The following ENPP3 variants were observed in gnomAD, a reference collection of about 807,000 sequenced individuals.
ENPP3 encodes the protein ectonucleotide pyrophosphatase/phosphodiesterase 3, also known as ectonucleotide pyrophosphatase/phosphodiesterase family member 3.
Under a neutral mutation model 117.8 loss-of-function variants are expected in ENPP3, and 104 were observed. The observed-to-expected ratio is 0.88, with a 90% CI of 0.75 to 1.04. The LOEUF is 1.04. Among genes scored for constraint, ENPP3 ranks in the 50% least tolerant of loss-of-function variants. The pLI is 0.00. For synonymous variants in ENPP3, 380 were observed against 349.9 expected (o/e 1.09, Z -0.96); for missense variants, 1,026 against 1,051.9 (o/e 0.98, Z 0.34).
chr6:131,673,085 A>G (rs1313707076), intron 7 of ENPP3, among the ~76,000 whole-genome samples: 2 of 152,230 alleles, frequency 1.3e-5, no homozygotes, highest in African/African-American at 2.4e-5. Flanking sequence ...ACTTTAACAA[A>G]CAGTTAATTA....
At chr6:131,745,898 C>T (rs1780626563) in intron 24 of ENPP3, among the ~76,000 whole-genome samples, 1 of 152,084 alleles carries the variant, frequency 6.6e-6, no homozygotes, top group South Asian at 2.1e-4. Flanking sequence ...GTGGGTGGAT[C>T]ACCCGAGATC....
intron 6 of ENPP3, 70 bp downstream of exon 6, chr6:131,658,490 A>G (rs977992184): frequency 8.4e-6 from 7 of 830,864 alleles, no homozygotes; most frequent in Non-Finnish European, 1.4e-5. Flanking sequence ...AGAGGATGCA[A>G]CTTTCTTTCT....
chr6:131,671,407 C>A, intron 7 of ENPP3, 80 bp downstream of exon 7: 1 of 849,894 alleles, frequency 1.2e-6, no homozygotes, highest in Non-Finnish European at 2.0e-6. Context: ...CAGGAACTGA[C>A]CGAGTTCTGT....
rs12661309 is a variant in ENPP3 at position 131,736,191 on chromosome 6, A to T, written c.2090-1164A>T. 2.0e-4 allele frequency among the ~76,000 whole-genome samples: 31 copies of T among 152,328 alleles called. No individual in the cohort carries two copies. The East Asian group carries it at 5.8e-3, about 28-fold the overall frequency. ...TCCAGAGCACCCTCGCTGAACACTC[A>T]CTGTGCTAGACAGCACAGCCATAAA... On this transcript the variant is annotated intron_variant, in intron 21 of 24. Transcript: ENST00000357639.
rs1027088955 is a variant in ENPP3, at chr6:131,711,453, A to G, written c.1413-7219A>G. On this transcript the variant is annotated intron_variant, in intron 15 of 24. Coordinates refer to ENST00000357639, the MANE Select transcript of ENPP3 (RefSeq NM_005021.5). ...AGACACTCTTGCTTTCCTTTCATTA[A>G]TGTTTGTGTAATATATCTTTTTTCA... 1.1e-4 allele frequency among the ~76,000 whole-genome samples: 16 copies of G among 147,228 alleles called. No individual in the cohort carries two copies. The East Asian group carries it at 3.2e-3, about 30-fold the overall frequency.
intron 24 of ENPP3, among the ~76,000 whole-genome samples, chr6:131,744,071 T>C (rs556741551): frequency 6.6e-6 from 1 of 152,284 alleles, no homozygotes; most frequent in South Asian, 2.1e-4. Context: ...AATTACACAA[T>C]GTACAGAAGT....
chr6:131,652,869 C>T lies in ENPP3; in HGVS notation c.442C>T (p.Gln148Ter). ...SWLEENCDTA[Q>*]QSQCPEGFDL... ...GCTGGAAGAAAACTGTGACACAGCC[C>T]AGCAGTCTCAGTGCCCAGAAGGGTG... Residue 148 changes from glutamine (Q) to a stop codon, truncating the protein, a stop_gained, in exon 5 of 25, where the codon CAG (glutamine) becomes TAG (stop). Coordinates refer to ENST00000357639, the MANE Select transcript of ENPP3 (RefSeq NM_005021.5). LOFTEE classifies it high-confidence loss of function. 2 of 1,612,852 alleles carry T rather than the reference C, an allele frequency of 1.2e-6. No homozygotes were observed. The highest frequency in any genetic ancestry group is 1.7e-6 in the Non-Finnish European group (2 of 1,178,916).
Position 131,737,335 on chromosome 6 carries a change from A to G in ENPP3, c.2090-20A>G. 1 of 1,541,384 alleles carries G rather than the reference A, an allele frequency of 6.5e-7. No homozygotes were observed. The highest frequency in any genetic ancestry group is 8.9e-7 in the Non-Finnish European group (1 of 1,117,626). ...ATTTTCTCTTATAGCTAGATCTAAT[A>G]AGATCCATTTGTTTTGCAGCCAGCA... On this transcript the variant is annotated intron_variant, in intron 21 of 24. Transcript: ENST00000357639.
At chr6:131,746,582 G>A (rs1373030773) in intron 24 of ENPP3, among the ~76,000 whole-genome samples, 1 of 152,072 alleles carries the variant, frequency 6.6e-6, no homozygotes, top group Non-Finnish European at 1.5e-5. Flanking sequence ...GATAAATTTT[G>A]ACAACGGTGT....
rs532393406 is a variant in ENPP3, at chr6:131,683,633, C to T, written c.1120+471C>T. 7.8e-4 allele frequency among the ~76,000 whole-genome samples: 118 copies of T among 152,000 alleles called. 1 individual carries two copies. The highest frequency in any genetic ancestry group is 1.5e-3 in the Non-Finnish European group (101 of 68,000). On this transcript the variant is annotated intron_variant, in intron 12 of 24. Transcript: ENST00000357639. ...CTCACATTTCTCTACTTGAGGTTAA[C>T]TCTTGATTTTGGTTAACCTGAATGT...
chr6:131,682,941 C>T, intron 11 of ENPP3, 113 bp from the exon 12 acceptor site: 2 of 714,448 alleles, frequency 2.8e-6, no homozygotes, highest in South Asian at 3.1e-5. Flanking sequence ...GGTTCTGTTT[C>T]AAAACCAGCA....
intron 1 of ENPP3, among the ~76,000 whole-genome samples, chr6:131,639,261 A>ATTT (rs1237341722): frequency 1.5e-4 from 10 of 65,132 alleles, no homozygotes; most frequent in African/African-American, 4.8e-4. Flanking sequence ...ATATATATAT[A>ATTT]TATATTTTTT....
At chr6:131,738,303 A>G (rs1780445543) in intron 23 of ENPP3, 140 bp downstream of exon 23, 3 of 686,876 alleles carry the variant, frequency 4.4e-6, no homozygotes, top group Non-Finnish European at 6.9e-6. Flanking sequence ...AATCTAGTCT[A>G]TCTAAATATT....
intron 24 of ENPP3, among the ~76,000 whole-genome samples, 181 bp from the exon 25 acceptor site, chr6:131,746,605 A>G (rs34612245): frequency 0.24 from 35,993 of 152,066 alleles, 4,608 homozygotes; most frequent in African/African-American, 0.3. Context: ...TATGTTAGTT[A>G]TAGTATACTT....
chr6:131,671,366 A>T, intron 7 of ENPP3, 39 bp downstream of exon 7: 1 of 1,170,072 alleles, frequency 8.5e-7, no homozygotes, highest in Non-Finnish European at 1.3e-6. Flanking sequence ...GCCAAAGACC[A>T]GAACTGACCA....
chr6:131,713,196 C>G (rs1233792350), intron 15 of ENPP3, among the ~76,000 whole-genome samples: 2 of 134,398 alleles, frequency 1.5e-5, no homozygotes, highest in Non-Finnish European at 3.0e-5. Flanking sequence ...CCTTTGCCTT[C>G]TATCATGATT....
chr6:131,648,892 A>C (rs986711817), intron 2 of ENPP3, among the ~76,000 whole-genome samples: 7 of 152,210 alleles, frequency 4.6e-5, no homozygotes, highest in Admixed American at 3.9e-4. Context: ...TGATGACTCC[A>C]AGTCAGTATC....
chr6:131,726,369 C>T (rs969036183), intron 20 of ENPP3, among the ~76,000 whole-genome samples, 169 bp downstream of exon 20: 4 of 152,132 alleles, frequency 2.6e-5, no homozygotes, highest in African/African-American at 7.2e-5. Context: ...ATAGGTGCTA[C>T]ACGGGTGCAA....
At chr6:131,637,928 C>T (rs765935943) in intron 1 of ENPP3, among the ~76,000 whole-genome samples, 9 of 151,658 alleles carry the variant, frequency 5.9e-5, no homozygotes, top group Non-Finnish European at 1.2e-4. Flanking sequence ...CACCCCCCCT[C>T]ACCCCCCAAA....
Sources: allele counts gnomAD v4.1 joint callset (sites outside exome capture counted in the v4.1 genomes callset), GRCh38; gene constraint gnomAD v4.1.1; transcripts MANE v1.5; gene names NCBI Gene and HGNC (gene_info 2026-07-23, HGNC 2026-07-21).